The following ZSCAN5A variants were observed in gnomAD, a reference collection of about 807,000 sequenced individuals.
The protein encoded by ZSCAN5A is zinc finger and SCAN domain-containing protein 5A.
A neutral mutation model predicts 23.7 loss-of-function variants in ZSCAN5A; 12 were observed. That is an observed-to-expected ratio of 0.51 (90% CI 0.32 to 0.82). The LOEUF is 0.82. Ranked by LOEUF, ZSCAN5A falls within the 40% of genes least tolerant of loss-of-function variation. The pLI, the probability that ZSCAN5A is intolerant of heterozygous loss-of-function variation, is 0.03. For synonymous variants in ZSCAN5A, 257 were observed against 239.9 expected, an observed-to-expected ratio of 1.07 and a Z score of -0.66; for missense variants, 597 against 617.9, an observed-to-expected ratio of 0.97 and a Z score of 0.36.
At chr19:56,262,728 G>A (rs956954506) in intron 2 of ZSCAN5A, among the ~76,000 whole-genome samples, 1 of 152,082 alleles carries the variant, frequency 6.6e-6, no homozygotes, top group Admixed American at 6.5e-5. Flanking sequence ...CACTGCGCCC[G>A]GCCCTGATTT....
intron 3 of ZSCAN5A, chr19:56,224,178 T>C (rs62122490): frequency 1.1e-5 from 3 of 264,602 alleles, no homozygotes; most frequent in South Asian, 7.1e-5. Flanking sequence ...AGGGGCTCAT[T>C]TGGGGACCTG....
intron 2 of ZSCAN5A, among the ~76,000 whole-genome samples, chr19:56,238,120 C>T (rs370395360): frequency 6.8e-6 from 1 of 148,054 alleles, no homozygotes; most frequent in South Asian, 2.2e-4. Context: ...GAACACACAC[C>T]CACACACAGA....
rs372666345 is a variant in ZSCAN5A, at chr19:56,249,625, T to C, written c.-127-24452A>G. Among the ~76,000 whole-genome samples the C allele has an allele frequency of 2.0e-5, 3 of 152,318 alleles. No individual in the cohort carries two copies. The East Asian group carries it at 5.8e-4, about 29-fold the overall frequency. On this transcript the variant is annotated intron_variant, in intron 2 of 5. Transcript: ENST00000683990. ...AAAAGTCTATAGAGCTCGCCAATGC[T>C]CTGCACCATTTCCCCCACTGTTCAC... is the stretch of plus-strand genomic sequence containing the variant.
intron 2 of ZSCAN5A, among the ~76,000 whole-genome samples, chr19:56,240,161 C>CA (rs1189578606): frequency 7.5e-6 from 1 of 133,142 alleles, no homozygotes; most frequent in Non-Finnish European, 1.6e-5. Context: ...GACTCTGTCT[C>CA]AAAAAAAACC....
chr19:56,226,142 G>A lies in ZSCAN5A; in HGVS notation c.-127-969C>T, dbSNP rs150104847. Among the ~76,000 whole-genome samples the A allele has an allele frequency of 4.2e-3, 642 of 152,224 alleles. 3 individuals are homozygous for A. Among genetic ancestry groups the A allele is most frequent in the African/African-American group, 0.014 (593 of 41,542 alleles). ...CACAGGTGGGGGAAGCAACCTGAAG[G>A]TCTGCAGAGGGGAGAAAAAACTGGC... On this transcript the variant is annotated intron_variant, in intron 2 of 5. Coordinates refer to ENST00000683990, the MANE Select transcript of ZSCAN5A (RefSeq NM_001322064.3).
intron 2 of ZSCAN5A, among the ~76,000 whole-genome samples, chr19:56,271,683 G>C (rs1600144873): frequency 6.6e-6 from 1 of 152,134 alleles, no homozygotes; most frequent in South Asian, 2.1e-4. Flanking sequence ...CGGCAGGAGA[G>C]AGTCCCCTGC....
At position 56,224,966 on chromosome 19, in the gene ZSCAN5A, T is replaced by A. The variant is rs753787290; in HGVS notation, c.81A>T (p.Ala27=). Residue 27 remains alanine (A), a synonymous_variant, in exon 3 of 6, where the codon GCA becomes GCT. Coordinates refer to ENST00000683990, the MANE Select transcript of ZSCAN5A (RefSeq NM_001322064.3). ...RPGLELPRSM[A]SSETQLGNHD... ...GATTTCCAAGTTGAGTTTCTGAGGA[T>A]GCCATAGACCGTGGCAGCTCCAACC... The A allele has an allele frequency of 1.9e-6, 3 of 1,614,056 alleles. No individual in the cohort carries two copies. The highest frequency in any genetic ancestry group is 2.2e-5 in the East Asian group (1 of 44,896).
At chr19:56,230,209 C>T (rs903452544) in intron 2 of ZSCAN5A, among the ~76,000 whole-genome samples, 11 of 152,118 alleles carry the variant, frequency 7.2e-5, no homozygotes, top group African/African-American at 2.7e-4. Flanking sequence ...CCTCAGCCTC[C>T]CAAGTAGCTG....
At chr19:56,239,939 A>AGGTG (rs1324182725) in intron 2 of ZSCAN5A, among the ~76,000 whole-genome samples, 14 of 152,202 alleles carry the variant, frequency 9.2e-5, no homozygotes, top group African/African-American at 3.4e-4. Flanking sequence ...CGAGGTGGGC[A>AGGTG]GATCACTAGG....
At chr19:56,339,817 C>T (rs919225173) in intron 2 of ZSCAN5A, among the ~76,000 whole-genome samples, 2 of 151,848 alleles carry the variant, frequency 1.3e-5, no homozygotes, top group Admixed American at 6.6e-5. Context: ...CGGTTGTAGC[C>T]GCATTTAGCA....
chr19:56,246,978 G>C, intron 2 of ZSCAN5A: 1 of 1,419,662 alleles, frequency 7.0e-7, no homozygotes, highest in Non-Finnish European at 9.9e-7. Context: ...GAAAACCTGA[G>C]ATAAATTCAG....
At chr19:56,357,382 T>C (rs1238543808) in intron 2 of ZSCAN5A, among the ~76,000 whole-genome samples, 1 of 148,344 alleles carries the variant, frequency 6.7e-6, no homozygotes, top group Non-Finnish European at 1.5e-5. Context: ...ACATGTTTTG[T>C]TGGTACACGC....
intron 2 of ZSCAN5A, chr19:56,274,860 G>A (rs1184187349): frequency 6.6e-6 from 1 of 152,044 alleles, no homozygotes; most frequent in Non-Finnish European, 1.5e-5. Flanking sequence ...CTTGTGATTT[G>A]TCCTTAGGAT....
At chr19:56,257,664 C>A (rs2036801874) in intron 2 of ZSCAN5A, among the ~76,000 whole-genome samples, 2 of 147,478 alleles carry the variant, frequency 1.4e-5, no homozygotes, top group African/African-American at 5.1e-5. Context: ...CTGGCTCCTG[C>A]CTCCCACCAC....
rs530078671 is a variant in ZSCAN5A at position 56,355,742 on chromosome 19, C to A, written c.-358+7493G>T. Among the ~76,000 whole-genome samples the A allele has an allele frequency of 4.0e-4, 59 of 148,802 alleles. 4 individuals are homozygous for A. The South Asian group carries it at 7.1e-3, about 18-fold the overall frequency. ...TTTAAACTGGCAGTACTGATCCTTC[C>A]ATGTATTTGTTCCTGATTATTTATT... is the stretch of plus-strand genomic sequence containing the variant. On this transcript the variant is annotated intron_variant, in intron 2 of 6. Transcript: ENST00000587340.
intron 2 of ZSCAN5A, among the ~76,000 whole-genome samples, chr19:56,343,583 T>C (rs1375582409): frequency 2.0e-5 from 3 of 152,176 alleles, no homozygotes; most frequent in Non-Finnish European, 4.4e-5. Flanking sequence ...ATTTCAATTA[T>C]AGAGATGAGG....
chr19:56,303,290 C>T (rs895681644), intron 2 of ZSCAN5A, among the ~76,000 whole-genome samples: 1 of 151,840 alleles, frequency 6.6e-6, no homozygotes, highest in Non-Finnish European at 1.5e-5. Context: ...CCAGCCTGGT[C>T]AACATGGTGA....
At chr19:56,349,739 A>T in intron 2 of ZSCAN5A, among the ~76,000 whole-genome samples, 2 of 148,320 alleles carry the variant, frequency 1.3e-5, no homozygotes. Flanking sequence ...AAAGTAGAAG[A>T]TCTTAAGCTG....
chr19:56,354,260 T>C (rs961656159), intron 2 of ZSCAN5A, among the ~76,000 whole-genome samples: 4 of 146,668 alleles, frequency 2.7e-5, no homozygotes, highest in Non-Finnish European at 6.0e-5. Flanking sequence ...AACCGGACAC[T>C]TACAAATGGT....
Sources: allele counts gnomAD v4.1 joint callset (sites outside exome capture counted in the v4.1 genomes callset), GRCh38; gene constraint gnomAD v4.1.1; transcripts MANE v1.5; gene names NCBI Gene and HGNC (gene_info 2026-07-23, HGNC 2026-07-21).